TAFA1: variants seen among roughly 807,000 people sequenced by gnomAD.
TAFA1 encodes the protein chemokine-like protein TAFA-1.
In TAFA1, 4 loss-of-function variants were observed where a neutral mutation model predicts 18.5. That is an observed-to-expected ratio of 0.22 (90% CI 0.11 to 0.49). The LOEUF is 0.49. Among genes scored for constraint, TAFA1 ranks in the 20% least tolerant of loss-of-function variants. TAFA1 has a pLI of 0.98. For missense variants in TAFA1, 147 were observed against 169.0 expected (o/e 0.87, Z 0.72); for synonymous variants, 56 against 55.2 (o/e 1.01, Z -0.06).
intron 2 of TAFA1, among the ~76,000 whole-genome samples, chr3:68,121,096 A>C (rs2065392590): frequency 6.6e-6 from 1 of 152,184 alleles, no homozygotes; most frequent in Admixed American, 6.5e-5. Flanking sequence ...TTGGGATGAA[A>C]AGCCAAAATA....
At chr3:68,461,679 A>G (rs746765220) in intron 3 of TAFA1, among the ~76,000 whole-genome samples, 3 of 151,332 alleles carry the variant, frequency 2.0e-5, no homozygotes, top group Admixed American at 6.6e-5. Context: ...AGTTATGTTC[A>G]TCTGTCCTCA....
chr3:68,491,084 C>T (rs1335584274), intron 3 of TAFA1, among the ~76,000 whole-genome samples: 1 of 152,128 alleles, frequency 6.6e-6, no homozygotes, highest in African/African-American at 2.4e-5. Context: ...AGCGATCCTC[C>T]TGCCTCGGCC....
At chr3:68,131,054 G>A (rs1219664518) in intron 2 of TAFA1, among the ~76,000 whole-genome samples, 2 of 152,132 alleles carry the variant, frequency 1.3e-5, no homozygotes, top group African/African-American at 2.4e-5. Context: ...GATAATGCAT[G>A]GCATATAGTG....
At chr3:68,169,146 G>T (rs1235579541) in intron 2 of TAFA1, among the ~76,000 whole-genome samples, 2 of 152,230 alleles carry the variant, frequency 1.3e-5, no homozygotes, top group Non-Finnish European at 2.9e-5. Flanking sequence ...GGCTGGTCTT[G>T]TATGACTGAT....
chr3:68,417,975 T>A (rs2070872108), intron 3 of TAFA1, among the ~76,000 whole-genome samples: 1 of 152,040 alleles, frequency 6.6e-6, no homozygotes, highest in Non-Finnish European at 1.5e-5. Context: ...AAGGGGGAAG[T>A]CTGCCTCCAT....
intron 2 of TAFA1, among the ~76,000 whole-genome samples, chr3:68,072,173 G>T (rs1278731232): frequency 6.6e-6 from 1 of 152,108 alleles, no homozygotes; most frequent in African/African-American, 2.4e-5. Flanking sequence ...TGTAATCCTT[G>T]AACTGAGGCT....
chr3:68,145,216 TG>T (rs35133284), intron 2 of TAFA1: 1 of 794,770 alleles, frequency 1.3e-6, no homozygotes, highest in East Asian at 2.4e-5. Context: ...ATTCTGAACT[TG>T]GGGGAATTTG....
chr3:68,045,062 C>T (rs1040496299), intron 2 of TAFA1, among the ~76,000 whole-genome samples: 19 of 152,214 alleles, frequency 1.2e-4, no homozygotes, highest in African/African-American at 4.6e-4. Flanking sequence ...ACTTATACAA[C>T]TAGGAGTGTG....
chr3:68,483,699 A>G (rs1644387120), intron 3 of TAFA1, among the ~76,000 whole-genome samples: 1 of 152,218 alleles, frequency 6.6e-6, no homozygotes. Context: ...CCTGAAACAG[A>G]TTCTGTGGGG....
chr3:68,237,888 A>G (rs560257542), intron 2 of TAFA1, among the ~76,000 whole-genome samples: 23 of 152,316 alleles, frequency 1.5e-4, no homozygotes, highest in African/African-American at 5.1e-4. Flanking sequence ...AACTTTACAA[A>G]ATATCATAAT....
intron 3 of TAFA1, among the ~76,000 whole-genome samples, chr3:68,422,423 G>A (rs192148713): frequency 1.3e-3 from 196 of 152,210 alleles, no homozygotes; most frequent in South Asian, 1.9e-3. Flanking sequence ...CTTATGCAGT[G>A]AATTTCCCAT....
At chr3:68,054,565 C>T (rs559583767) in intron 2 of TAFA1, among the ~76,000 whole-genome samples, 2 of 152,262 alleles carry the variant, frequency 1.3e-5, no homozygotes, top group African/African-American at 4.8e-5. Flanking sequence ...GCCTGTGGAC[C>T]AAATCTGATG....
intron 3 of TAFA1, among the ~76,000 whole-genome samples, chr3:68,490,849 T>TG (rs1264851822): frequency 6.6e-6 from 1 of 151,860 alleles, no homozygotes; most frequent in Admixed American, 6.6e-5. Context: ...TCTTTTTTTT[T>TG]TGTGGGGGGG....
chr3:68,135,603 G>C (rs552017872), intron 2 of TAFA1, among the ~76,000 whole-genome samples: 36 of 152,294 alleles, frequency 2.4e-4, no homozygotes, highest in South Asian at 1.9e-3. Flanking sequence ...TTGCTTTGAG[G>C]ATTAACGAAA....
At chr3:68,067,603 G>A (rs1429478730) in intron 2 of TAFA1, among the ~76,000 whole-genome samples, 2 of 152,132 alleles carry the variant, frequency 1.3e-5, no homozygotes, top group Admixed American at 1.3e-4. Context: ...GGTTTTACAG[G>A]ATTATTTTTA....
At chr3:68,150,418 G>A (rs2065791895) in intron 2 of TAFA1, among the ~76,000 whole-genome samples, 4 of 152,186 alleles carry the variant, frequency 2.6e-5, no homozygotes, top group African/African-American at 9.7e-5. Flanking sequence ...TGTTTTATCA[G>A]CCAAAGCCCA....
chr3:68,076,281 C>A (rs1043379822), intron 2 of TAFA1, among the ~76,000 whole-genome samples: 2 of 147,472 alleles, frequency 1.4e-5, no homozygotes, highest in Admixed American at 6.7e-5. Context: ...GTTCCTACTT[C>A]TTTTTTTTTT....
intron 3 of TAFA1, among the ~76,000 whole-genome samples, chr3:68,472,704 T>C (rs1045344979): frequency 6.6e-5 from 10 of 152,110 alleles, no homozygotes; most frequent in Admixed American, 2.0e-4. Context: ...TTTTTTACAA[T>C]TGCATGTAAA....
intron 3 of TAFA1, among the ~76,000 whole-genome samples, chr3:68,474,700 C>T (rs1270423634): frequency 6.6e-6 from 1 of 152,184 alleles, no homozygotes; most frequent in East Asian, 1.9e-4. Flanking sequence ...ATTTCTATTA[C>T]TTCTCATGGA....
Sources: allele counts gnomAD v4.1 joint callset (sites outside exome capture counted in the v4.1 genomes callset), GRCh38; gene constraint gnomAD v4.1.1; transcripts MANE v1.5; gene names NCBI Gene and HGNC (gene_info 2026-07-23, HGNC 2026-07-21).